DOK6: variants seen among roughly 807,000 people sequenced by gnomAD.
The protein encoded by DOK6 is docking protein 6.
A neutral mutation model predicts 44.0 loss-of-function variants in DOK6; 22 were observed. The observed-to-expected ratio is 0.50, with a 90% CI of 0.36 to 0.71. The LOEUF (loss-of-function observed/expected upper bound fraction) is 0.71, where lower values mean the gene tolerates loss of function less well. Among genes scored for constraint, DOK6 ranks in the 30% least tolerant of loss-of-function variants. DOK6 has a pLI of 0.00. For missense variants in DOK6, 340 were observed against 416.4 expected (o/e 0.82, Z 1.60); for synonymous variants, 166 against 145.5 (o/e 1.14, Z -1.01).
At chr18:69,655,149 A>T (rs1401163743) in intron 3 of DOK6, among the ~76,000 whole-genome samples, 1 of 152,212 alleles carries the variant, frequency 6.6e-6, no homozygotes, top group Non-Finnish European at 1.5e-5. Flanking sequence ...AATAGCACCA[A>T]CCACATAAAT....
At chr18:69,751,661 C>A (rs1979183276) in intron 6 of DOK6, among the ~76,000 whole-genome samples, 1 of 152,002 alleles carries the variant, frequency 6.6e-6, no homozygotes, top group Non-Finnish European at 1.5e-5. Flanking sequence ...TGTACGGAAA[C>A]TACTCAGTGC....
In DOK6 at chr18:69,842,704, T is replaced by A. The variant is rs1386644318; in HGVS notation, c.*1321T>A. Reference sequence around the variant, plus strand: ...CAGTGTTTAAAGGGAGGTAGTGAATTCCACGGAAACTGAGTTTGGCTAATT... The same window carrying A: ...CAGTGTTTAAAGGGAGGTAGTGAATACCACGGAAACTGAGTTTGGCTAATT... On this transcript the variant is annotated 3_prime_UTR_variant, in exon 8 of 8. Transcript: ENST00000382713. The A allele has an allele frequency of 2.0e-5, 3 of 152,192 alleles. No homozygotes were observed. Among genetic ancestry groups the A allele is most frequent in the Non-Finnish European group, 4.4e-5 (3 of 68,042 alleles). 9.4% of individuals were successfully genotyped at this position (152,192 alleles called of 1,614,324 possible).
intron 1 of DOK6, among the ~76,000 whole-genome samples, chr18:69,462,043 C>T (rs192911364): frequency 1.7e-3 from 258 of 152,336 alleles, no homozygotes; most frequent in African/African-American, 2.8e-3. Flanking sequence ...TGAAATTTCT[C>T]ATCCTCTTGT....
chr18:69,470,800 C>T (rs1272977018), intron 1 of DOK6, among the ~76,000 whole-genome samples: 1 of 152,176 alleles, frequency 6.6e-6, no homozygotes, highest in Non-Finnish European at 1.5e-5. Context: ...AAGAAATTTT[C>T]ATTCGCTCAA....
At chr18:69,752,828 G>A (rs993049459) in intron 6 of DOK6, among the ~76,000 whole-genome samples, 3 of 152,134 alleles carry the variant, frequency 2.0e-5, no homozygotes, top group Non-Finnish European at 4.4e-5. Context: ...CTGGTCCCAC[G>A]GGGTCATGTG....
At chr18:69,708,800 A>C (rs1367631892) in intron 5 of DOK6, among the ~76,000 whole-genome samples, 1 of 151,920 alleles carries the variant, frequency 6.6e-6, no homozygotes, top group Non-Finnish European at 1.5e-5. Context: ...AAAAAAAAAA[A>C]AAAAAGTGCT....
chr18:69,808,045 A>C (rs1342199983), intron 7 of DOK6, among the ~76,000 whole-genome samples: 1 of 151,898 alleles, frequency 6.6e-6, no homozygotes, highest in Non-Finnish European at 1.5e-5. Context: ...ATGTTAGGCC[A>C]CAATACAAGT....
intron 1 of DOK6, among the ~76,000 whole-genome samples, chr18:69,516,317 A>G (rs1981521120): frequency 1.0e-5 from 1 of 98,494 alleles, no homozygotes; most frequent in Non-Finnish European, 2.3e-5. Context: ...TGATACAAAT[A>G]TTAGTGGTAC....
chr18:69,744,234 C>T (rs563978992), intron 6 of DOK6, among the ~76,000 whole-genome samples: 44 of 151,378 alleles, frequency 2.9e-4, no homozygotes, highest in South Asian at 2.3e-3. Flanking sequence ...TGCTTGAACC[C>T]GGGAGGCGGA....
At chr18:69,419,518 G>A (rs77695969) in intron 1 of DOK6, among the ~76,000 whole-genome samples, 3,333 of 152,184 alleles carry the variant, frequency 0.022, 36 homozygotes, top group Non-Finnish European at 0.03. Context: ...AATGCATTTG[G>A]ATATTCATGA....
intron 3 of DOK6, among the ~76,000 whole-genome samples, chr18:69,631,996 A>G (rs767524178): frequency 3.3e-5 from 5 of 152,208 alleles, no homozygotes; most frequent in Admixed American, 1.3e-4. Flanking sequence ...AAATATTCAT[A>G]TATTTTCTTG....
At chr18:69,544,322 T>C (rs1002913302) in intron 1 of DOK6, among the ~76,000 whole-genome samples, 3 of 151,542 alleles carry the variant, frequency 2.0e-5, no homozygotes, top group Non-Finnish European at 4.4e-5. Context: ...CAATGTTATA[T>C]TATCCATGCG....
At chr18:69,525,684 G>A (rs941244403) in intron 1 of DOK6, among the ~76,000 whole-genome samples, 3 of 151,436 alleles carry the variant, frequency 2.0e-5, no homozygotes, top group African/African-American at 7.3e-5. Context: ...GAATATTTTG[G>A]ACTTTATGGA....
intron 7 of DOK6, among the ~76,000 whole-genome samples, chr18:69,790,488 T>G (rs1980562220): frequency 6.6e-6 from 1 of 152,210 alleles, no homozygotes; most frequent in Non-Finnish European, 1.5e-5. Context: ...TAGAATGTGT[T>G]TATAATTAAT....
chr18:69,499,597 AT>A (rs1980992268), intron 1 of DOK6, among the ~76,000 whole-genome samples: 1 of 152,178 alleles, frequency 6.6e-6, no homozygotes, highest in Non-Finnish European at 1.5e-5. Context: ...TGTAAATATA[AT>A]TCCCAACTGT....
At chr18:69,732,686 A>G (rs1487187653) in intron 5 of DOK6, among the ~76,000 whole-genome samples, 4 of 152,214 alleles carry the variant, frequency 2.6e-5, no homozygotes, top group Non-Finnish European at 5.9e-5. Context: ...TTGTGCCATC[A>G]CTGAGTACAC....
At chr18:69,751,950 A>G (rs72967239) in intron 6 of DOK6, among the ~76,000 whole-genome samples, 7,617 of 152,280 alleles carry the variant, frequency 0.05, 211 homozygotes, top group Middle Eastern at 0.092. Context: ...ATATAATTTT[A>G]GGAGAGAATA....
intron 7 of DOK6, among the ~76,000 whole-genome samples, chr18:69,794,619 G>A (rs563868646): frequency 6.6e-6 from 1 of 152,120 alleles, no homozygotes; most frequent in Non-Finnish European, 1.5e-5. Context: ...CAGATAGGAT[G>A]CAAAGCAGGG....
chr18:69,808,235 C>A (rs1279003902), intron 7 of DOK6, among the ~76,000 whole-genome samples: 1 of 151,690 alleles, frequency 6.6e-6, no homozygotes, highest in Admixed American at 6.6e-5. Context: ...TTTAAATATA[C>A]CTTGAGACAA....
Sources: allele counts gnomAD v4.1 joint callset (sites outside exome capture counted in the v4.1 genomes callset), GRCh38; gene constraint gnomAD v4.1.1; transcripts MANE v1.5; gene names NCBI Gene and HGNC (gene_info 2026-07-23, HGNC 2026-07-21).